SHISAL1: variants seen among roughly 807,000 people sequenced by gnomAD.
SHISAL1 encodes the protein protein shisa-like-1.
A neutral mutation model predicts 22.6 loss-of-function variants in SHISAL1; 9 were observed. That is an observed-to-expected ratio of 0.40 (90% CI 0.24 to 0.70). SHISAL1 has a LOEUF of 0.70. SHISAL1 is among the 30% of genes least tolerant of loss of function. The pLI is 0.39. For missense variants in SHISAL1, 246 were observed against 270.6 expected, an observed-to-expected ratio of 0.91 and a Z score of 0.64; for synonymous variants, 119 against 115.4, an observed-to-expected ratio of 1.03 and a Z score of -0.20.
At chr22:44,270,209 T>TG (rs1467887745) in intron 4 of SHISAL1, among the ~76,000 whole-genome samples, 12 of 152,098 alleles carry the variant, frequency 7.9e-5, no homozygotes, top group African/African-American at 2.9e-4. Context: ...CTCTCTCCTA[T>TG]CTCGACAACC....
chr22:44,257,885 T>C (rs2055095472), intron 4 of SHISAL1, among the ~76,000 whole-genome samples: 1 of 152,214 alleles, frequency 6.6e-6, no homozygotes, highest in South Asian at 2.1e-4. Flanking sequence ...CTCACGCCTG[T>C]AATCCCAGCA....
intron 4 of SHISAL1, among the ~76,000 whole-genome samples, chr22:44,278,286 G>T (rs1195478236): frequency 6.6e-6 from 1 of 152,184 alleles, no homozygotes; most frequent in East Asian, 1.9e-4. Context: ...TCAGCTTTAG[G>T]ACTCAGACTG....
At chr22:44,296,522 G>T (rs2055387032) in intron 3 of SHISAL1, 150 bp downstream of exon 3, 4 of 660,132 alleles carry the variant, frequency 6.1e-6, no homozygotes, top group African/African-American at 5.4e-5. Flanking sequence ...CGAAAACCCT[G>T]GTCATCCAAA....
At chr22:44,265,996 A>C (rs866843840) in intron 4 of SHISAL1, among the ~76,000 whole-genome samples, 1 of 152,198 alleles carries the variant, frequency 6.6e-6, no homozygotes, top group African/African-American at 2.4e-5. Context: ...GCTTCTCTGC[A>C]TCACAGCTTC....
the SHISAL1 span, among the ~76,000 whole-genome samples, chr22:44,321,666 C>T: frequency 6.6e-6 from 1 of 152,166 alleles, no homozygotes; most frequent in African/African-American, 2.4e-5. Context: ...GACAAGTGGC[C>T]GGCCCATGCC....
At chr22:44,315,575 T>C (rs893897042), upstream of SHISAL1, among the ~76,000 whole-genome samples, 3 of 152,140 alleles carry the variant, frequency 2.0e-5, no homozygotes, top group African/African-American at 7.2e-5. Flanking sequence ...TCCCCATCTA[T>C]AAACTGAGGA....
At chr22:44,268,479 G>C (rs2055181017) in intron 4 of SHISAL1, among the ~76,000 whole-genome samples, 1 of 152,190 alleles carries the variant, frequency 6.6e-6, no homozygotes, top group Non-Finnish European at 1.5e-5. Flanking sequence ...GGGAAAGTGA[G>C]GCTGAGGAGG....
At chr22:44,328,868 G>T in the SHISAL1 span, among the ~76,000 whole-genome samples, 1 of 151,972 alleles carries the variant, frequency 6.6e-6, no homozygotes, top group Non-Finnish European at 1.5e-5. Flanking sequence ...CAGCCCTCCA[G>T]GTCTGCAGCC....
chr22:44,263,764 C>G (rs1306307494), intron 4 of SHISAL1, among the ~76,000 whole-genome samples: 1 of 152,190 alleles, frequency 6.6e-6, no homozygotes, highest in African/African-American at 2.4e-5. Flanking sequence ...GACAAGGAAA[C>G]AGACTCACCC....
intron 4 of SHISAL1, 50 bp from the exon 5 acceptor site, chr22:44,249,735 G>A (rs2055033987): frequency 1.3e-6 from 1 of 777,942 alleles, no homozygotes; most frequent in East Asian, 2.4e-5. Context: ...TCCTCCATGG[G>A]GACATTTCTC....
rs569500796 is a variant in SHISAL1, at chr22:44,252,954, C to T, written c.*-3269G>A. On this transcript the variant is annotated intron_variant, in intron 4 of 4. Coordinates refer to ENST00000381176, the MANE Select transcript of SHISAL1 (RefSeq NM_001099294.2). ...GAGGTTGCAGTGAGCCGAGATCACG[C>T]CACTGCACTCCAGCCTGGGTGACAG... Among the ~76,000 whole-genome samples the T allele has an allele frequency of 4.0e-5, 6 of 151,764 alleles. No individual in the cohort carries two copies. In the East Asian group the frequency reaches 1.2e-3, roughly 29 times the overall value.
chr22:44,291,244 A>G (rs79581587), intron 3 of SHISAL1, among the ~76,000 whole-genome samples: 3,513 of 152,296 alleles, frequency 0.023, 149 homozygotes, highest in African/African-American at 0.077. Context: ...ACATAGAACC[A>G]AAGAGCCCAA....
chr22:44,314,111 A>T (rs1323402591), upstream of SHISAL1, among the ~76,000 whole-genome samples: 1 of 147,176 alleles, frequency 6.8e-6, no homozygotes, highest in Non-Finnish European at 1.5e-5. Flanking sequence ...TGAGGTACAG[A>T]GTTTCAGTAA....
At chr22:44,321,300 G>T in the SHISAL1 span, among the ~76,000 whole-genome samples, 1 of 152,174 alleles carries the variant, frequency 6.6e-6, no homozygotes, top group Non-Finnish European at 1.5e-5. Flanking sequence ...AAGTGCCACG[G>T]AACAGCCATA....
At chr22:44,307,016 T>A (rs1381199939) in intron 1 of SHISAL1, among the ~76,000 whole-genome samples, 1 of 152,118 alleles carries the variant, frequency 6.6e-6, no homozygotes. Context: ...GGACCTGGGA[T>A]CTGGGAGCTC....
At chr22:44,291,238 A>T (rs1434653079) in intron 3 of SHISAL1, among the ~76,000 whole-genome samples, 1 of 152,230 alleles carries the variant, frequency 6.6e-6, no homozygotes, top group Non-Finnish European at 1.5e-5. Flanking sequence ...CTTTACACAT[A>T]GAACCAAAGA....
intron 3 of SHISAL1, among the ~76,000 whole-genome samples, chr22:44,295,794 C>T (rs963339217): frequency 3.9e-5 from 6 of 152,176 alleles, no homozygotes; most frequent in South Asian, 2.1e-4. Flanking sequence ...TGTGAAAAGA[C>T]GGCCAGCTTC....
chr22:44,298,984 C>T (rs1359078857), intron 2 of SHISAL1, among the ~76,000 whole-genome samples: 1 of 152,198 alleles, frequency 6.6e-6, no homozygotes, highest in Non-Finnish European at 1.5e-5. Flanking sequence ...GCTGCCTGGG[C>T]CATCGTGACC....
At chr22:44,271,162 T>G (rs1014789256) in intron 4 of SHISAL1, among the ~76,000 whole-genome samples, 3 of 152,210 alleles carry the variant, frequency 2.0e-5, no homozygotes, top group African/African-American at 4.8e-5. Flanking sequence ...TGTGCCTATA[T>G]CCACATGACA....
Sources: allele counts gnomAD v4.1 joint callset (sites outside exome capture counted in the v4.1 genomes callset), GRCh38; gene constraint gnomAD v4.1.1; transcripts MANE v1.5; gene names NCBI Gene and HGNC (gene_info 2026-07-23, HGNC 2026-07-21).